Variants in FERMT2 observed in about 807,000 individuals in gnomAD.
FERMT2 encodes fermitin family homolog 2.
FERMT2 carries 15 observed loss-of-function variants against 82.7 expected under a neutral mutation model. The ratio of observed to expected loss-of-function variants is 0.18; its 90% confidence interval spans 0.12 to 0.28. FERMT2 has a LOEUF of 0.28. Ranked by LOEUF, FERMT2 falls within the 10% of genes least tolerant of loss-of-function variation. The pLI is 1.00. For missense variants in FERMT2, 645 were observed against 809.4 expected, an observed-to-expected ratio of 0.80 and a Z score of 2.46; for synonymous variants, 274 against 271.5, an observed-to-expected ratio of 1.01 and a Z score of -0.09.
intron 3 of FERMT2, among the ~76,000 whole-genome samples, chr14:52,899,167 A>G (rs1887471965): frequency 6.6e-6 from 1 of 152,196 alleles, no homozygotes; most frequent in South Asian, 2.1e-4. Flanking sequence ...TTGTAAAATC[A>G]ATAATAATAA....
intron 6 of FERMT2, among the ~76,000 whole-genome samples, chr14:52,879,392 C>T (rs1020609197): frequency 2.6e-5 from 4 of 152,106 alleles, no homozygotes; most frequent in Admixed American, 6.6e-5. Context: ...TCCATTATAC[C>T]AGTTGAGTGT....
Position 52,919,352 on chromosome 14 carries a change from T to C in FERMT2, c.162A>G (p.Val54=). The stretch of plus-strand genomic sequence containing the variant: ...GAGCATGGTCAGACCAATCTTTTTT[T>C]ACATCTATAAAAAACAAACAATAAA... ...VMLKLVEKLD[V]KKDWSDHALW... is the part of the protein sequence containing the mutation. The change falls in exon 3 of 15, where the codon GTA becomes GTG. Residue 54 remains valine (V), a synonymous_variant. Coordinates refer to ENST00000341590, the MANE Select transcript of FERMT2 (RefSeq NM_006832.3). 6.3e-7 allele frequency: 1 copy of C among 1,586,760 alleles called. No homozygotes were observed. The highest frequency in any genetic ancestry group is 8.6e-7 in the Non-Finnish European group (1 of 1,165,902).
intron 2 of FERMT2, among the ~76,000 whole-genome samples, chr14:52,945,204 C>T (rs1890277402): frequency 6.6e-6 from 1 of 152,004 alleles, no homozygotes; most frequent in Admixed American, 6.6e-5. Flanking sequence ...AGTTACCGCA[C>T]CCAGCCAATC....
At chr14:52,950,661 G>T in intron 1 of FERMT2, 84 bp from the exon 2 acceptor site, 1 of 1,415,616 alleles carries the variant, frequency 7.1e-7, no homozygotes, top group Non-Finnish European at 9.7e-7. Context: ...CGCCGGCCAC[G>T]GGCTGGGAGG....
At chr14:52,909,056 A>T (rs1172300928) in intron 3 of FERMT2, among the ~76,000 whole-genome samples, 1 of 152,124 alleles carries the variant, frequency 6.6e-6, no homozygotes, top group East Asian at 1.9e-4. Context: ...ATATGACCCA[A>T]GGTGGGCCAG....
At chr14:52,929,043 C>G (rs1416069261) in intron 2 of FERMT2, among the ~76,000 whole-genome samples, 1 of 152,118 alleles carries the variant, frequency 6.6e-6, no homozygotes, top group Admixed American at 6.5e-5. Flanking sequence ...TACTCAGACG[C>G]CAGCCTATAC....
intron 3 of FERMT2, among the ~76,000 whole-genome samples, chr14:52,894,610 A>T (rs1028289867): frequency 6.6e-6 from 1 of 152,104 alleles, no homozygotes; most frequent in East Asian, 1.9e-4. Flanking sequence ...CCCAAAACAG[A>T]CCTACATATG....
chr14:52,889,108 G>A (rs1022082764), intron 4 of FERMT2, among the ~76,000 whole-genome samples: 5 of 152,128 alleles, frequency 3.3e-5, no homozygotes, highest in Non-Finnish European at 7.3e-5. Flanking sequence ...AAGTGATTTA[G>A]CCACTCTGGG....
At chr14:52,917,510 T>A (rs1888679837) in intron 3 of FERMT2, among the ~76,000 whole-genome samples, 1 of 152,248 alleles carries the variant, frequency 6.6e-6, no homozygotes, top group South Asian at 2.1e-4. Flanking sequence ...TTCTCTATTT[T>A]AATAATAATA....
At chr14:52,882,124 A>G (rs1886334820) in intron 4 of FERMT2, among the ~76,000 whole-genome samples, 1 of 152,250 alleles carries the variant, frequency 6.6e-6, no homozygotes, top group African/African-American at 2.4e-5. Flanking sequence ...TACAATTTGA[A>G]GGTAACACAA....
chr14:52,893,233 A>T, intron 4 of FERMT2, 60 bp downstream of exon 4: 1 of 1,434,368 alleles, frequency 7.0e-7, no homozygotes, highest in Middle Eastern at 1.9e-4. Flanking sequence ...ACCACCAGAA[A>T]GACAAAGGTA....
intron 8 of FERMT2, among the ~76,000 whole-genome samples, 188 bp downstream of exon 8, chr14:52,875,035 A>G (rs2140099299): frequency 6.6e-6 from 1 of 152,346 alleles, no homozygotes; most frequent in Admixed American, 6.5e-5. Flanking sequence ...AGCCTGGGCA[A>G]CAGAACGAGA....
In FERMT2 at chr14:52,863,977, T is replaced by C. The variant is rs557886991; in HGVS notation, c.1602+424A>G. ...TAAGTTCTCAACTATTCTGTGTCCT[T>C]ATCTGTTCTATTAAAATGATAAAGA... On this transcript the variant is annotated intron_variant, in intron 12 of 14. Coordinates refer to ENST00000341590, the MANE Select transcript of FERMT2 (RefSeq NM_006832.3). Among the ~76,000 whole-genome samples, 38 of 152,238 alleles carry C rather than the reference T, an allele frequency of 2.5e-4. No individual in the cohort carries two copies. The South Asian group carries it at 7.5e-3, about 30-fold the overall frequency.
chr14:52,880,739 A>C (rs1886246046), intron 6 of FERMT2, among the ~76,000 whole-genome samples: 1 of 152,142 alleles, frequency 6.6e-6, no homozygotes, highest in Non-Finnish European at 1.5e-5. Flanking sequence ...GTACCTTTAA[A>C]ATACAAATCA....
intron 3 of FERMT2, among the ~76,000 whole-genome samples, chr14:52,904,440 C>G (rs1037628096): frequency 1.3e-5 from 2 of 152,080 alleles, no homozygotes; most frequent in African/African-American, 4.8e-5. Flanking sequence ...TTGCTTGAAC[C>G]TGGGAGGTGG....
chr14:52,894,282 ACAC>A (rs2139551229), intron 3 of FERMT2, among the ~76,000 whole-genome samples: 1 of 152,324 alleles, frequency 6.6e-6, no homozygotes, highest in East Asian at 1.9e-4. Flanking sequence ...ACACACACAC[ACAC>A]AATATATATT....
rs3068969 is a variant in FERMT2 at position 52,892,456 on chromosome 14, G to GTTTTTTGTTT, written c.526+836_526+837insAAACAAAAAA. Among the ~76,000 whole-genome samples the GTTTTTTGTTT allele has an allele frequency of 1.7e-4, 23 of 133,372 alleles. 1 individual carries two copies. The highest frequency in any genetic ancestry group is 2.2e-4 in the East Asian group (1 of 4,536). 87.5% of individuals were successfully genotyped at this position (133,372 alleles called of 152,430 possible). A position where few individuals can be genotyped will look rare whatever the true frequency, so the allele number is the denominator to read the frequency against. On this transcript the variant is annotated intron_variant, in intron 4 of 14. Transcript: ENST00000341590. ...AGTACCCCGCCTGGTGCTGTTTTTT[G>GTTTTTTGTTT]TTTTTTTTTTTTTTTGAGATGGAGT... is the stretch of plus-strand genomic sequence containing the variant.
intron 2 of FERMT2, among the ~76,000 whole-genome samples, chr14:52,935,033 T>G (rs1036512210): frequency 2.0e-5 from 3 of 152,236 alleles, no homozygotes; most frequent in African/African-American, 7.2e-5. Flanking sequence ...TTGTACTTTA[T>G]GCAGTTACAT....
chr14:52,872,107 AT>A, intron 10 of FERMT2: 1 of 152,532 alleles, frequency 6.6e-6, no homozygotes, highest in East Asian at 1.9e-4. Context: ...GAAGAGCAGG[AT>A]GTCGAAGAAG....
Sources: allele counts gnomAD v4.1 joint callset (sites outside exome capture counted in the v4.1 genomes callset), GRCh38; gene constraint gnomAD v4.1.1; transcripts MANE v1.5; gene names NCBI Gene and HGNC (gene_info 2026-07-23, HGNC 2026-07-21).